The following PTPRR variants were observed in gnomAD, a reference collection of about 807,000 sequenced individuals.
PTPRR encodes the protein protein tyrosine phosphatase receptor type R, also known as receptor-type tyrosine-protein phosphatase R.
In PTPRR, 38 loss-of-function variants were observed where a neutral mutation model predicts 77.2. The ratio of observed to expected loss-of-function variants is 0.49; its 90% CI spans 0.38 to 0.65. The LOEUF (loss-of-function observed/expected upper bound fraction) is 0.65, where lower values mean the gene tolerates loss of function less well. Among genes scored for constraint, PTPRR ranks in the 30% least tolerant of loss-of-function variants. The probability of loss-of-function intolerance (pLI) is 0.00; values close to 1 mark genes in which losing one functional copy is unlikely to be tolerated. For synonymous variants in PTPRR, 299 were observed against 283.1 expected, an observed-to-expected ratio of 1.06 and a Z score of -0.57; for missense variants, 744 against 799.2, an observed-to-expected ratio of 0.93 and a Z score of 0.83.
intron 8 of PTPRR, 45 bp downstream of exon 8, chr12:70,698,220 C>G: frequency 6.5e-7 from 1 of 1,534,840 alleles, no homozygotes; most frequent in Non-Finnish European, 9.0e-7. Context: ...GCTATCCCTC[C>G]CCTTGCCCCC....
chr12:70,762,092 G>C (rs1565686379), intron 3 of PTPRR, among the ~76,000 whole-genome samples: 1 of 152,150 alleles, frequency 6.6e-6, no homozygotes, highest in African/African-American at 2.4e-5. Context: ...AGCTAAAGAA[G>C]ATGGTGCCAG....
At chr12:70,902,757 G>T (rs1356640910) in intron 1 of PTPRR, among the ~76,000 whole-genome samples, 2 of 151,618 alleles carry the variant, frequency 1.3e-5, no homozygotes, top group Non-Finnish European at 2.9e-5. Context: ...GGGGGCAAGG[G>T]ATAAAAGTCT....
chr12:70,721,288 C>G (rs2904518), intron 6 of PTPRR, among the ~76,000 whole-genome samples: 31,380 of 152,130 alleles, frequency 0.21, 3,569 homozygotes, highest in East Asian at 0.39. Context: ...CAACATTGCA[C>G]ATATATAAAA....
chr12:70,689,712 C>A (rs1353560545), intron 8 of PTPRR, among the ~76,000 whole-genome samples: 1 of 152,170 alleles, frequency 6.6e-6, no homozygotes, highest in East Asian at 1.9e-4. Flanking sequence ...CTGCTGGGAG[C>A]CTTTGGCTAT....
At chr12:70,797,830 ACTT>A (rs1243593627) in intron 2 of PTPRR, among the ~76,000 whole-genome samples, 2 of 151,756 alleles carry the variant, frequency 1.3e-5, no homozygotes, top group Non-Finnish European at 2.9e-5. Flanking sequence ...CTTCTACTCA[ACTT>A]CTTAATGCTG....
intron 6 of PTPRR, among the ~76,000 whole-genome samples, chr12:70,726,787 C>T (rs1889455012): frequency 6.6e-6 from 1 of 151,990 alleles, no homozygotes; most frequent in Non-Finnish European, 1.5e-5. Flanking sequence ...CACCATGTCT[C>T]TGCTAAAAGG....
chr12:70,845,142 T>C (rs754628230), intron 2 of PTPRR, among the ~76,000 whole-genome samples: 5 of 152,184 alleles, frequency 3.3e-5, no homozygotes, highest in Non-Finnish European at 7.4e-5. Context: ...GCAGATCTTA[T>C]GGGCTGCAGA....
intron 2 of PTPRR, among the ~76,000 whole-genome samples, chr12:70,819,853 T>C (rs1380170530): frequency 1.3e-5 from 2 of 152,066 alleles, no homozygotes; most frequent in South Asian, 2.1e-4. Flanking sequence ...TTCTACATCA[T>C]AGAATAATGT....
At chr12:70,647,864 G>C (rs1379836351) in intron 13 of PTPRR, among the ~76,000 whole-genome samples, 2 of 152,180 alleles carry the variant, frequency 1.3e-5, no homozygotes, top group Non-Finnish European at 2.9e-5. Flanking sequence ...CTGGCCAACA[G>C]AAAGTTCATT....
chr12:70,674,373 A>G (rs1243174672), intron 10 of PTPRR, among the ~76,000 whole-genome samples: 3 of 152,140 alleles, frequency 2.0e-5, no homozygotes, highest in Non-Finnish European at 4.4e-5. Context: ...ATAATATCAT[A>G]TTCATGCCTA....
At chr12:70,865,534 G>T (rs1216364371) in intron 2 of PTPRR, among the ~76,000 whole-genome samples, 1 of 152,080 alleles carries the variant, frequency 6.6e-6, no homozygotes, top group African/African-American at 2.4e-5. Context: ...GGCTGAGAGA[G>T]TCAGGCAGAA....
intron 10 of PTPRR, among the ~76,000 whole-genome samples, chr12:70,682,061 T>TTTTTTTGTG (rs1491177176): frequency 1.1e-5 from 1 of 90,918 alleles, no homozygotes; most frequent in African/African-American, 3.3e-5. Flanking sequence ...TTTTTTTTTT[T>TTTTTTTGTG]GAGACGGAGT....
intron 1 of PTPRR, among the ~76,000 whole-genome samples, chr12:70,893,442 A>G (rs571646141): frequency 8.6e-5 from 13 of 152,018 alleles, no homozygotes; most frequent in South Asian, 4.1e-4. Context: ...ACGCTTACAG[A>G]GTATTTAAGC....
chr12:70,749,516 G>A (rs1890321691), intron 5 of PTPRR, among the ~76,000 whole-genome samples: 1 of 152,100 alleles, frequency 6.6e-6, no homozygotes, highest in African/African-American at 2.4e-5. Context: ...AAAAAAAATT[G>A]AAAATTAATT....
At chr12:70,723,446 T>G (rs1053648098) in intron 6 of PTPRR, among the ~76,000 whole-genome samples, 1 of 152,190 alleles carries the variant, frequency 6.6e-6, no homozygotes, top group Non-Finnish European at 1.5e-5. Flanking sequence ...CAAATTTATG[T>G]TAGAGGTCAT....
intron 5 of PTPRR, among the ~76,000 whole-genome samples, chr12:70,749,978 A>G (rs4760933): frequency 0.16 from 25,078 of 152,154 alleles, 2,416 homozygotes; most frequent in East Asian, 0.35. Flanking sequence ...CTTCTTAGTA[A>G]GTTTCTTTCA....
chr12:70,771,001 T>A (rs1890959167), intron 2 of PTPRR, among the ~76,000 whole-genome samples: 1 of 80,374 alleles, frequency 1.2e-5, no homozygotes, highest in Non-Finnish European at 2.4e-5. Flanking sequence ...CTGGGGACTG[T>A]TGTGGGGTGG....
chr12:70,918,695 T>C (rs995073895), intron 1 of PTPRR, among the ~76,000 whole-genome samples: 3 of 152,228 alleles, frequency 2.0e-5, no homozygotes, highest in Admixed American at 6.5e-5. Context: ...TAAACTTTTT[T>C]ATATGTTAGT....
At chr12:70,825,803 A>G (rs1182397199) in intron 2 of PTPRR, among the ~76,000 whole-genome samples, 1 of 152,214 alleles carries the variant, frequency 6.6e-6, no homozygotes, top group Non-Finnish European at 1.5e-5. Flanking sequence ...TGTGCCTGGT[A>G]TGAAAAAAGT....
Sources: allele counts gnomAD v4.1 joint callset (sites outside exome capture counted in the v4.1 genomes callset), GRCh38; gene constraint gnomAD v4.1.1; transcripts MANE v1.5; gene names NCBI Gene and HGNC (gene_info 2026-07-23, HGNC 2026-07-21).